IMMP2L: variants seen among roughly 807,000 people sequenced by gnomAD.
IMMP2L encodes the protein inner mitochondrial membrane peptidase subunit 2.
A neutral mutation model predicts 19.3 loss-of-function variants in IMMP2L; 18 were observed. The observed-to-expected ratio is 0.93, with a 90% CI of 0.64 to 1.38. The LOEUF (loss-of-function observed/expected upper bound fraction) is 1.38, where lower values mean the gene tolerates loss of function less well. IMMP2L is among the 40% of genes most tolerant of loss of function. IMMP2L has a pLI of 0.00. For missense variants in IMMP2L, 233 were observed against 218.2 expected, an observed-to-expected ratio of 1.07 and a Z score of -0.43; for synonymous variants, 76 against 73.0, an observed-to-expected ratio of 1.04 and a Z score of -0.21.
chr7:110,840,845 A>T (rs559743106), intron 5 of IMMP2L, among the ~76,000 whole-genome samples: 1 of 152,068 alleles, frequency 6.6e-6, no homozygotes, highest in African/African-American at 2.4e-5. Context: ...CAAACTCTCA[A>T]GTACAAAAAT....
intron 3 of IMMP2L, among the ~76,000 whole-genome samples, chr7:111,142,341 AAAGAAAGAAAGAAAG>A (rs1400752378): frequency 3.3e-3 from 21 of 6,392 alleles, no homozygotes; most frequent in African/African-American, 4.6e-3. Context: ...AAAAAAAAAA[AAAGAAAGAAAGAAAG>A]AAAGAAAGAA....
At chr7:110,863,461 A>G (rs1019604827) in intron 5 of IMMP2L, among the ~76,000 whole-genome samples, 2 of 152,070 alleles carry the variant, frequency 1.3e-5, no homozygotes, top group African/African-American at 4.8e-5. Flanking sequence ...CTAACTTATA[A>G]AGGTTTGACT....
chr7:111,316,834 CTTTTTTTTTTCTTT>C (rs1163307258), intron 3 of IMMP2L, among the ~76,000 whole-genome samples: 3 of 134,572 alleles, frequency 2.2e-5, no homozygotes, highest in African/African-American at 5.6e-5. Context: ...TTGTTGGCTC[CTTTTTTTTTTCTTT>C]TTTTTTTTTT....
chr7:111,207,579 A>G (rs1810859914), intron 3 of IMMP2L, among the ~76,000 whole-genome samples: 1 of 118,070 alleles, frequency 8.5e-6, no homozygotes, highest in Non-Finnish European at 1.6e-5. Context: ...TTGCTCTGTC[A>G]TCAGGCTGGA....
At chr7:111,426,157 T>A (rs890490951) in intron 3 of IMMP2L, among the ~76,000 whole-genome samples, 1 of 151,078 alleles carries the variant, frequency 6.6e-6, no homozygotes, top group Non-Finnish European at 1.5e-5. Context: ...AACTTTGTTT[T>A]ACAGCTAAAA....
chr7:111,075,307 T>TAGTA (rs886208204), intron 3 of IMMP2L, among the ~76,000 whole-genome samples: 7 of 151,852 alleles, frequency 4.6e-5, no homozygotes, highest in African/African-American at 1.5e-4. Context: ...TTTGTGTTTT[T>TAGTA]AGTAGAGATG....
intron 3 of IMMP2L, among the ~76,000 whole-genome samples, chr7:111,185,782 T>C (rs1444751444): frequency 6.6e-6 from 1 of 152,192 alleles, no homozygotes; most frequent in African/African-American, 2.4e-5. Context: ...GCATTTTAGA[T>C]GAAATAACAT....
At chr7:111,335,804 C>A (rs1346999443) in intron 3 of IMMP2L, among the ~76,000 whole-genome samples, 1 of 151,966 alleles carries the variant, frequency 6.6e-6, no homozygotes, top group Non-Finnish European at 1.5e-5. Flanking sequence ...CAAGTTTGAT[C>A]CTTCTTATAA....
At chr7:111,348,402 C>T (rs949587583) in intron 3 of IMMP2L, among the ~76,000 whole-genome samples, 1 of 152,062 alleles carries the variant, frequency 6.6e-6, no homozygotes, top group Non-Finnish European at 1.5e-5. Flanking sequence ...AACTAGGTCA[C>T]ATTTTGTTTA....
chr7:110,913,949 T>C (rs963451252), intron 4 of IMMP2L, among the ~76,000 whole-genome samples: 10 of 152,024 alleles, frequency 6.6e-5, no homozygotes, highest in Admixed American at 6.6e-5. Context: ...TTCTCAGGTG[T>C]TTTTTTGCTA....
At chr7:111,141,991 A>C (rs566858023) in intron 3 of IMMP2L, among the ~76,000 whole-genome samples, 1 of 152,324 alleles carries the variant, frequency 6.6e-6, no homozygotes, top group African/African-American at 2.4e-5. Context: ...GGCATGAGCC[A>C]CTGTGCCTAA....
chr7:111,396,510 G>T lies in IMMP2L; in HGVS notation c.239+90728C>A, dbSNP rs114836091. ...CACCAGGGCCTGTGGAGGCTGTGGG[G>T]CAAGGGGAGATATAGCATTAGGACA... On this transcript the variant is annotated intron_variant, in intron 3 of 5. Transcript: ENST00000405709. Among the ~76,000 whole-genome samples, 1,306 of 152,080 alleles carry T rather than the reference G, an allele frequency of 8.6e-3. 25 individuals are homozygous for T. The highest frequency in any genetic ancestry group is 0.03 in the African/African-American group (1,230 of 41,508).
At chr7:110,716,473 G>A (rs1371783769) in intron 5 of IMMP2L, among the ~76,000 whole-genome samples, 4 of 152,146 alleles carry the variant, frequency 2.6e-5, no homozygotes, top group Non-Finnish European at 5.9e-5. Flanking sequence ...CTGCTGAAGG[G>A]TCTCTTGTAA....
At chr7:110,679,262 G>C (rs1792529272) in intron 5 of IMMP2L, among the ~76,000 whole-genome samples, 3 of 152,076 alleles carry the variant, frequency 2.0e-5, no homozygotes, top group Admixed American at 2.0e-4. Context: ...CAAATCACTG[G>C]AGTTGAAGTG....
At chr7:110,938,975 C>T (rs1426651632) in intron 4 of IMMP2L, among the ~76,000 whole-genome samples, 1 of 152,126 alleles carries the variant, frequency 6.6e-6, no homozygotes, top group African/African-American at 2.4e-5. Flanking sequence ...GACCACTTCA[C>T]ATATGAACAT....
chr7:110,754,613 G>C (rs544584892), intron 5 of IMMP2L, among the ~76,000 whole-genome samples: 2 of 152,140 alleles, frequency 1.3e-5, no homozygotes, highest in East Asian at 3.9e-4. Flanking sequence ...ATTCTTGTTA[G>C]AATTTTTTAA....
Position 111,562,060 on chromosome 7 carries a change from G to A in IMMP2L, c.-212C>T, listed in dbSNP as rs1792132514. On this transcript the variant is annotated 5_prime_UTR_variant, in exon 1 of 6. Coordinates refer to ENST00000405709, the MANE Select transcript of IMMP2L (RefSeq NM_032549.4). ...AGCGCTCCCTCACGGCCAGAGCCGG[G>A]GGCCGGACTAGGCCCCTTTGTGAGG... The A allele has an allele frequency of 6.6e-6, 1 of 152,402 alleles. No homozygotes were observed. Among genetic ancestry groups the A allele is most frequent in the Non-Finnish European group, 1.5e-5 (1 of 68,146 alleles). 9.4% of individuals were successfully genotyped at this position (152,402 alleles called of 1,614,324 possible).
chr7:110,973,586 C>T (rs1820381089), intron 3 of IMMP2L, among the ~76,000 whole-genome samples: 1 of 152,096 alleles, frequency 6.6e-6, no homozygotes, highest in African/African-American at 2.4e-5. Context: ...TTAGTACACA[C>T]ATCCTATAGC....
chr7:111,560,736 A>G (rs1791945152), intron 1 of IMMP2L, among the ~76,000 whole-genome samples: 1 of 152,232 alleles, frequency 6.6e-6, no homozygotes, highest in Admixed American at 6.5e-5. Context: ...TCACCATCCT[A>G]CTTTTATCAA....
Sources: gnomAD v4.1 joint callset for allele counts (sites outside exome capture counted in the v4.1 genomes callset) on GRCh38, gnomAD v4.1.1 for gene constraint, MANE v1.5 for transcripts, NCBI Gene and HGNC (gene_info 2026-07-23, HGNC 2026-07-21) for gene names.